Variants in CLTC observed in about 807,000 individuals in gnomAD.
The protein encoded by CLTC is clathrin heavy chain 1.
Under a neutral mutation model 195.8 loss-of-function variants are expected in CLTC, and 16 were observed. The observed-to-expected ratio is 0.08, with a 90% CI of 0.06 to 0.12. CLTC has a LOEUF of 0.12. CLTC is among the 10% of genes least tolerant of loss of function. CLTC has a pLI of 1.00. For missense variants in CLTC, 796 were observed against 2,027.0 expected (o/e 0.39, Z 11.66); for synonymous variants, 667 against 689.4 (o/e 0.97, Z 0.51).
At position 59,638,145 on chromosome 17, in the gene CLTC, C is replaced by A. The variant is rs540250948; in HGVS notation, c.43-6131C>A. 4.6e-5 allele frequency among the ~76,000 whole-genome samples: 7 copies of A among 152,136 alleles called. No homozygotes were observed. In the South Asian group the frequency reaches 1.5e-3, roughly 32 times the overall value. On this transcript the variant is annotated intron_variant, in intron 1 of 31. Coordinates refer to ENST00000269122, the MANE Select transcript of CLTC (RefSeq NM_004859.4). ...TAAAATGCAAATGCAAAAAAGCTAACCTTGAGCTGGCTTAAAGTACTGATA... is the reference window on the plus strand; with the variant it reads ...TAAAATGCAAATGCAAAAAAGCTAAACTTGAGCTGGCTTAAAGTACTGATA...
intron 2 of CLTC, 144 bp from the exon 3 acceptor site, chr17:59,647,254 C>T: frequency 1.5e-6 from 1 of 647,906 alleles, no homozygotes; most frequent in Non-Finnish European, 2.6e-6. Context: ...TTAGCTGTTA[C>T]CTCTTTAATG....
At position 59,685,641 on chromosome 17, in the gene CLTC, C is replaced by T; in HGVS notation, c.4660C>T (p.Leu1554=). 1.9e-6 allele frequency: 3 copies of T among 1,614,088 alleles called. No homozygotes were observed. Among genetic ancestry groups the T allele is most frequent in the Non-Finnish European group, 2.5e-6 (3 of 1,180,000 alleles). ...SKDTELAEEL[L]QWFLQEEKRE... ...AGATACTGAATTGGCTGAAGAACTC[C>T]TGCAGTGGTTTTTGCAGGAAGAAAA... Residue 1554 remains leucine (L), a synonymous_variant, in exon 30 of 32, where the codon CTG becomes TTG. Coordinates refer to ENST00000269122, the MANE Select transcript of CLTC (RefSeq NM_004859.4). This position sits in a 1 kb window ranked among gnomAD's most constrained non-coding sequence, Gnocchi z 5.0.
chr17:59,690,669 AAAGAAG>A lies in CLTC; in HGVS notation c.4867_4872del (p.Glu1623_Glu1624del). On this transcript the variant is annotated inframe_deletion, in exon 31 of 32. Coordinates refer to ENST00000269122, the MANE Select transcript of CLTC (RefSeq NM_004859.4). ...ATTAGATGCTTCAGAATCACTGAGA[AAAGAAG>A]AAGAACAAGCTACAGAGACACAACC... 1 of 1,613,442 alleles carries A rather than the reference AAAGAAG, an allele frequency of 6.2e-7. No individual in the cohort carries two copies. The highest frequency in any genetic ancestry group is 1.1e-5 in the South Asian group (1 of 90,986).
rs751284192 is a variant in CLTC, at chr17:59,683,378, C to A, written c.4042-9C>A. On this transcript the variant is annotated splice_polypyrimidine_tract_variant and intron_variant, in intron 25 of 31. Coordinates refer to ENST00000269122, the MANE Select transcript of CLTC (RefSeq NM_004859.4). This position sits in a 1 kb window ranked among gnomAD's most constrained non-coding sequence, Gnocchi z 6.1. ...TCATATCTAAAGCAATTAAGTCTTT[C>A]TTATGCAGGTGCTAAGAGCTGCAGA... 3.7e-6 allele frequency: 6 copies of A among 1,608,388 alleles called. No homozygotes were observed. Among genetic ancestry groups the A allele is most frequent in the South Asian group, 1.1e-5 (1 of 90,404 alleles).
chr17:59,624,633 T>C (rs572439670), intron 1 of CLTC, among the ~76,000 whole-genome samples: 1 of 152,006 alleles, frequency 6.6e-6, no homozygotes, highest in South Asian at 2.1e-4. Flanking sequence ...CATGCCTGGC[T>C]AATTTTTCCA....
rs201192491 is a variant in CLTC, at chr17:59,659,708, A to G, written c.970-683A>G. On this transcript the variant is annotated intron_variant, in intron 6 of 31. Transcript: ENST00000269122. ...CATGATCCACCTGCCTTGGCCTCCC[A>G]AAGTGCTGGGATTACAGGCGTGAGC... 8.6e-5 allele frequency among the ~76,000 whole-genome samples: 13 copies of G among 151,338 alleles called. No homozygotes were observed. In the East Asian group the frequency reaches 2.6e-3, roughly 30 times the overall value.
chr17:59,664,751 C>G, intron 9 of CLTC, 36 bp from the exon 10 acceptor site: 1 of 1,596,596 alleles, frequency 6.3e-7, no homozygotes, highest in Non-Finnish European at 8.6e-7. Flanking sequence ...AAAATTGAAA[C>G]TTAGGAGCAG....
At chr17:59,639,410 T>C (rs935592091) in intron 1 of CLTC, among the ~76,000 whole-genome samples, 2 of 152,162 alleles carry the variant, frequency 1.3e-5, no homozygotes, top group Non-Finnish European at 2.9e-5. Flanking sequence ...CTCCATATTC[T>C]TATAACAGCA....
intron 1 of CLTC, among the ~76,000 whole-genome samples, chr17:59,636,465 A>G (rs1567932880): frequency 6.6e-6 from 1 of 151,886 alleles, no homozygotes; most frequent in Non-Finnish European, 1.5e-5. Flanking sequence ...TTTATTTTTT[A>G]TTTTTTTGGA....
chr17:59,691,009 T>C (rs1486337257), intron 31 of CLTC, among the ~76,000 whole-genome samples: 2 of 152,224 alleles, frequency 1.3e-5, no homozygotes, highest in African/African-American at 2.4e-5. Flanking sequence ...AAAAGAAATA[T>C]TGATGAATTC....
intron 1 of CLTC, among the ~76,000 whole-genome samples, chr17:59,630,760 T>C (rs2031688985): frequency 6.6e-6 from 1 of 152,278 alleles, no homozygotes; most frequent in Admixed American, 6.5e-5. Flanking sequence ...AATAATACTT[T>C]GCTGAATGGA....
At position 59,679,250 on chromosome 17, in the gene CLTC, C is replaced by T; in HGVS notation, c.2797-147C>T. 2 of 564,770 alleles carry T rather than the reference C, an allele frequency of 3.5e-6. 1 individual carries two copies. The highest frequency in any genetic ancestry group is 6.4e-5 in the East Asian group (2 of 31,256). 35.0% of individuals were successfully genotyped at this position (564,770 alleles called of 1,614,324 possible). A position where few individuals can be genotyped will look rare whatever the true frequency, so the allele number is the denominator to read the frequency against. The stretch of plus-strand genomic sequence containing the variant: ...TCTATATAATTAAAACAGTATATTA[C>T]TGGTACATGAATCAAAGTCCAAAAC... On this transcript the variant is annotated intron_variant, in intron 17 of 31. Transcript: ENST00000269122.
Position 59,674,785 on chromosome 17 carries a change from G to A in CLTC, c.2503G>A (p.Val835Ile), listed in dbSNP as rs373696281. 22 of 1,613,302 alleles carry A rather than the reference G, an allele frequency of 1.4e-5. No homozygotes were observed. The highest frequency in any genetic ancestry group is 1.9e-5 in the Non-Finnish European group (22 of 1,179,662). Residue 835 changes from valine (V) to isoleucine (I), a missense_variant, in exon 16 of 32, where the codon GTT becomes ATT. This residue lies in a region of CLTC where 160 missense variants were observed against 448.2 expected (regional missense o/e 0.36). Coordinates refer to ENST00000269122, the MANE Select transcript of CLTC (RefSeq NM_004859.4). ...AGATGTCATAAAAAACTTGATTCTT[G>A]TTGTAAGAGGTCAATTCTCTACTGA... ...SEDVIKNLIL[V>I]VRGQFSTDEL...
chr17:59,668,489 G>T (rs2032778993), intron 13 of CLTC, among the ~76,000 whole-genome samples: 1 of 152,176 alleles, frequency 6.6e-6, no homozygotes. Context: ...GTTTGAGGCT[G>T]CAGTGAGCTA....
chr17:59,660,671 G>A (rs2032586877), intron 7 of CLTC, 83 bp downstream of exon 7: 4 of 1,337,786 alleles, frequency 3.0e-6, no homozygotes, highest in Non-Finnish European at 4.3e-6. Flanking sequence ...AAAGGAACCA[G>A]CTTCCTACAG....
Position 59,664,771 on chromosome 17 carries a change from C to T in CLTC, c.1522-16C>T, listed in dbSNP as rs373972687. The T allele has an allele frequency of 1.6e-4, 256 of 1,611,438 alleles. 1 individual carries two copies. The South Asian group carries it at 2.6e-3, about 17-fold the overall frequency. On this transcript the variant is annotated splice_polypyrimidine_tract_variant and intron_variant, in intron 9 of 31. Transcript: ENST00000269122. ...TGAAACTTAGGAGCAGCGTTTAAGT[C>T]TTTGTTTGTTTATAGGTTGGATACA...
At position 59,696,547 on chromosome 17, in the gene CLTC, C is replaced by G. The variant is rs971715462; in HGVS notation, c.*2695C>G. 5 of 211,530 alleles carry G rather than the reference C, an allele frequency of 2.4e-5. No homozygotes were observed. The highest frequency in any genetic ancestry group is 1.5e-3 in the Middle Eastern group (1 of 646). 13.1% of individuals were successfully genotyped at this position (211,530 alleles called of 1,614,324 possible). On this transcript the variant is annotated 3_prime_UTR_variant, in exon 32 of 32. Transcript: ENST00000269122. ...GCTTAAATAGTTTCTAACAAGATGACTATCAGGAAGCTATGTGGCTTGGGG... is the reference window on the plus strand; with the variant it reads ...GCTTAAATAGTTTCTAACAAGATGAGTATCAGGAAGCTATGTGGCTTGGGG...
chr17:59,694,079 T>C lies in CLTC; in HGVS notation c.*227T>C, dbSNP rs1206168741. The stretch of plus-strand genomic sequence containing the variant: ...TTCGAAGGGGAATAGTTTCAATGTT[T>C]TATTCACTTGGGCTTTTTTTCTTCC... On this transcript the variant is annotated 3_prime_UTR_variant, in exon 32 of 32. Coordinates refer to ENST00000269122, the MANE Select transcript of CLTC (RefSeq NM_004859.4). The C allele has an allele frequency of 2.8e-6, 1 of 362,214 alleles. No homozygotes were observed. The highest frequency in any genetic ancestry group is 4.8e-5 in the Admixed American group (1 of 20,784). 22.4% of individuals were successfully genotyped at this position (362,214 alleles called of 1,614,324 possible).
rs187623804 is a variant in CLTC, at chr17:59,667,400, T to C, written c.2128+423T>C. On this transcript the variant is annotated intron_variant, in intron 13 of 31. Transcript: ENST00000269122. Reference sequence around the variant, plus strand: ...CAGATTAGGGATGCTGATCAGGTAATTATAATGCGAATATTCCAAAGTTCA... The same window carrying C: ...CAGATTAGGGATGCTGATCAGGTAACTATAATGCGAATATTCCAAAGTTCA... 1.7e-3 allele frequency among the ~76,000 whole-genome samples: 263 copies of C among 152,314 alleles called. 2 individuals carry two copies. The highest frequency in any genetic ancestry group is 0.017 in the Middle Eastern group (5 of 294).
Sources: allele counts gnomAD v4.1 joint callset (sites outside exome capture counted in the v4.1 genomes callset), GRCh38; gene constraint gnomAD v4.1.1; regional missense constraint gnomAD v4.1.1; non-coding constraint Gnocchi (gnomAD v3.1); transcripts MANE v1.5; gene names NCBI Gene and HGNC (gene_info 2026-07-23, HGNC 2026-07-21).